Variants in ARHGAP15 observed in about 807,000 individuals in gnomAD.
The protein encoded by ARHGAP15 is Rho GTPase activating protein 15.
In ARHGAP15, 51 loss-of-function variants were observed where a neutral mutation model predicts 63.7. The observed-to-expected ratio is 0.80, with a 90% confidence interval of 0.64 to 1.01. The LOEUF (loss-of-function observed/expected upper bound fraction) is 1.01, where lower values mean the gene tolerates loss of function less well. ARHGAP15 is among the 50% of genes least tolerant of loss of function. The probability of loss-of-function intolerance (pLI) is 0.00; values close to 1 mark genes in which losing one functional copy is unlikely to be tolerated. For synonymous variants in ARHGAP15, 191 were observed against 193.8 expected (o/e 0.99, Z 0.12); for missense variants, 560 against 564.6 (o/e 0.99, Z 0.08).
In ARHGAP15 at chr2:143,230,762, G is replaced by T. The variant is rs540082494; in HGVS notation, c.384+2094G>T. On this transcript the variant is annotated intron_variant, in intron 5 of 13. Coordinates refer to ENST00000295095, the MANE Select transcript of ARHGAP15 (RefSeq NM_018460.4). The stretch of plus-strand genomic sequence containing the variant: ...TCCAGTCTTAGAGAAACGATACAAC[G>T]ATTGCCAGGCCTTGATTAAAGATGC... Among the ~76,000 whole-genome samples, 41 of 152,282 alleles carry T rather than the reference G, an allele frequency of 2.7e-4. No homozygotes were observed. In the South Asian group the frequency reaches 3.3e-3, roughly 12 times the overall value.
rs557372106 is a variant in ARHGAP15, at chr2:143,168,665, C to T, written c.165+13010C>T. ...TAATCATTCTGAAAACTTGAAGAGA[C>T]GCTACTTTGTATTTAAGTGAAGCCG... is the stretch of plus-strand genomic sequence containing the variant. On this transcript the variant is annotated intron_variant, in intron 2 of 13. Coordinates refer to ENST00000295095, the MANE Select transcript of ARHGAP15 (RefSeq NM_018460.4). Among the ~76,000 whole-genome samples, 99 of 150,202 alleles carry T rather than the reference C, an allele frequency of 6.6e-4. 1 individual carries two copies. Among genetic ancestry groups the T allele is most frequent in the Non-Finnish European group, 9.7e-4 (65 of 66,772 alleles).
chr2:143,598,159 T>C (rs1246423570), intron 11 of ARHGAP15, among the ~76,000 whole-genome samples: 1 of 152,152 alleles, frequency 6.6e-6, no homozygotes, highest in Non-Finnish European at 1.5e-5. Context: ...AAGAATAAGC[T>C]ACATTATCCC....
At chr2:143,317,476 T>G (rs1052476580) in intron 6 of ARHGAP15, among the ~76,000 whole-genome samples, 3 of 152,228 alleles carry the variant, frequency 2.0e-5, no homozygotes, top group African/African-American at 7.2e-5. Flanking sequence ...TTCAGTGGCA[T>G]GAAGTAGAAG....
At chr2:143,516,681 C>A (rs1693834148) in intron 9 of ARHGAP15, among the ~76,000 whole-genome samples, 1 of 152,086 alleles carries the variant, frequency 6.6e-6, no homozygotes, top group Non-Finnish European at 1.5e-5. Flanking sequence ...TATAGCAATT[C>A]TTCTTCCTGA....
At chr2:143,270,955 T>G (rs1179359512) in intron 6 of ARHGAP15, among the ~76,000 whole-genome samples, 1 of 143,672 alleles carries the variant, frequency 7.0e-6, no homozygotes, top group Non-Finnish European at 1.5e-5. Flanking sequence ...GTGTTAATGT[T>G]CATATCACTG....
Position 143,606,035 on chromosome 2 carries a change from C to CAAAAAAAAAA in ARHGAP15, c.1004-18072_1004-18063dup, listed in dbSNP as rs869266541. On this transcript the variant is annotated intron_variant, in intron 11 of 13. Transcript: ENST00000295095. Reference sequence around the variant, plus strand: ...TGGGCGCCAGAGCAAGACTCTGTCTCAAAAAAAAAAAAAAAAAAAAAAAAA... The same window carrying CAAAAAAAAAA: ...TGGGCGCCAGAGCAAGACTCTGTCTCAAAAAAAAAAAAAAAAAAAAAAAAAAAAAAAAAAA... 5.0e-3 allele frequency among the ~76,000 whole-genome samples: 115 copies of CAAAAAAAAAA among 22,864 alleles called. 25 individuals carry two copies. The highest frequency in any genetic ancestry group is 0.03 in the East Asian group (13 of 434). 15.0% of individuals were successfully genotyped at this position (22,864 alleles called of 152,430 possible). A position where few individuals can be genotyped will look rare whatever the true frequency, so the allele number is the denominator to read the frequency against.
At chr2:143,587,325 T>C (rs913249524) in intron 11 of ARHGAP15, among the ~76,000 whole-genome samples, 2 of 152,150 alleles carry the variant, frequency 1.3e-5, no homozygotes, top group African/African-American at 2.4e-5. Context: ...CATATGACTG[T>C]GTATGGTTTG....
intron 12 of ARHGAP15, among the ~76,000 whole-genome samples, chr2:143,661,115 A>G (rs1681746142): frequency 6.6e-6 from 1 of 152,172 alleles, no homozygotes; most frequent in Non-Finnish European, 1.5e-5. Context: ...ACATTCTTCC[A>G]TTCTCATGTC....
intron 6 of ARHGAP15, among the ~76,000 whole-genome samples, chr2:143,342,369 AAAG>A (rs753215748): frequency 2.5e-4 from 38 of 152,100 alleles, no homozygotes; most frequent in Non-Finnish European, 5.4e-4. Context: ...TTCATAAGAA[AAAG>A]AAGTGTCTCG....
rs1279676304 is a variant in ARHGAP15 at position 143,519,344 on chromosome 2, T to G, written c.905T>G (p.Ile302Ser). Residue 302 changes from isoleucine to serine, a missense_variant, in exon 10 of 14, where the codon ATT (isoleucine) becomes AGT (serine). By Grantham distance (142) the Ile-to-Ser change is moderately radical. Coordinates refer to ENST00000295095, the MANE Select transcript of ARHGAP15 (RefSeq NM_018460.4). The stretch of plus-strand genomic sequence containing the variant: ...GTTCCGTGGTTTGTAAAGCAATGCA[T>G]TGAAGCTGTTGAGAAAAGAGGTGGG... ...STVPWFVKQC[I>S]EAVEKRGLDV... is the part of the protein sequence containing the mutation. The G allele has an allele frequency of 6.2e-7, 1 of 1,612,672 alleles. No individual in the cohort carries two copies. Among genetic ancestry groups the G allele is most frequent in the Non-Finnish European group, 8.5e-7 (1 of 1,178,922 alleles).
chr2:143,424,587 CTT>C (rs1689068846), intron 6 of ARHGAP15, among the ~76,000 whole-genome samples: 2 of 151,968 alleles, frequency 1.3e-5, no homozygotes, highest in African/African-American at 4.8e-5. Flanking sequence ...TTTGTACAAG[CTT>C]TTCCTTTCAC....
intron 6 of ARHGAP15, among the ~76,000 whole-genome samples, chr2:143,346,172 ACTCTCT>A (rs72188499): frequency 2.2e-5 from 3 of 138,826 alleles, no homozygotes; most frequent in African/African-American, 2.6e-5. Flanking sequence ...ACACACACAC[ACTCTCT>A]CTCTCACACA....
intron 3 of ARHGAP15, among the ~76,000 whole-genome samples, chr2:143,211,349 G>A (rs1237087876): frequency 7.8e-6 from 1 of 128,784 alleles, no homozygotes; most frequent in African/African-American, 2.8e-5. Context: ...AATGGCGGGC[G>A]TGGGTGGGGG....
chr2:143,587,217 C>G (rs1459468144), intron 11 of ARHGAP15, among the ~76,000 whole-genome samples: 4 of 152,104 alleles, frequency 2.6e-5, no homozygotes, highest in African/African-American at 9.7e-5. Flanking sequence ...TAAAGGAAAC[C>G]TCTTTCATCT....
intron 12 of ARHGAP15, among the ~76,000 whole-genome samples, chr2:143,642,239 A>G (rs1680638738): frequency 6.6e-6 from 1 of 152,038 alleles, no homozygotes; most frequent in African/African-American, 2.4e-5. Flanking sequence ...AAGTTTCTGC[A>G]CTAAGTATAT....
intron 6 of ARHGAP15, among the ~76,000 whole-genome samples, chr2:143,430,568 A>T (rs1574438554): frequency 6.6e-6 from 1 of 152,028 alleles, no homozygotes; most frequent in South Asian, 2.1e-4. Flanking sequence ...TGTAAGCATT[A>T]TTACTTCGAT....
At chr2:143,702,959 G>A (rs930007709) in intron 12 of ARHGAP15, among the ~76,000 whole-genome samples, 3 of 152,118 alleles carry the variant, frequency 2.0e-5, no homozygotes. Context: ...GCCATGTGAG[G>A]TAACATAGTC....
intron 6 of ARHGAP15, among the ~76,000 whole-genome samples, chr2:143,265,830 T>C (rs1182437792): frequency 3.9e-5 from 6 of 152,152 alleles, no homozygotes; most frequent in African/African-American, 1.4e-4. Flanking sequence ...ATAAGCATAG[T>C]GTATTCATGT....
chr2:143,699,380 C>T (rs531205484), intron 12 of ARHGAP15, among the ~76,000 whole-genome samples: 117 of 152,268 alleles, frequency 7.7e-4, no homozygotes, highest in South Asian at 2.7e-3. Context: ...CCCCATTTAG[C>T]ACTTAAGTAT....
Sources: gnomAD v4.1 joint callset for allele counts (sites outside exome capture counted in the v4.1 genomes callset) on GRCh38, gnomAD v4.1.1 for gene constraint, MANE v1.5 for transcripts, NCBI Gene and HGNC (gene_info 2026-07-23, HGNC 2026-07-21) for gene names.